The following IGFL2 variants were observed in gnomAD, a reference collection of about 807,000 sequenced individuals.
The protein encoded by IGFL2 is IGF like family member 2.
In IGFL2, 7 loss-of-function variants were observed where a neutral mutation model predicts 13.9. That is an observed-to-expected ratio of 0.51 (90% CI 0.29 to 0.95). The LOEUF (loss-of-function observed/expected upper bound fraction) is 0.95. IGFL2 is among the 40% of genes least tolerant of loss of function. The probability of loss-of-function intolerance (pLI) is 0.08; values close to 1 mark genes in which losing one functional copy is unlikely to be tolerated. For missense variants in IGFL2, 138 were observed against 147.8 expected, an observed-to-expected ratio of 0.93 and a Z score of 0.34; for synonymous variants, 55 against 55.8, an observed-to-expected ratio of 0.99 and a Z score of 0.07.
chr19:46,181,508 A>C, the IGFL2 span, among the ~76,000 whole-genome samples: 2 of 152,244 alleles, frequency 1.3e-5, no homozygotes, highest in African/African-American at 4.8e-5. Flanking sequence ...TCTGTAGATC[A>C]CATCACTATT....
chr19:46,132,060 G>A, the IGFL2 span, among the ~76,000 whole-genome samples: 1 of 152,280 alleles, frequency 6.6e-6, no homozygotes, highest in South Asian at 2.1e-4. Flanking sequence ...GAATATTCTT[G>A]GCCAACAGGA....
chr19:46,105,923 G>A, the IGFL2 span, among the ~76,000 whole-genome samples: 3 of 152,144 alleles, frequency 2.0e-5, no homozygotes, highest in Non-Finnish European at 2.9e-5. Context: ...GATGAGTTAG[G>A]GAGAGCAGCT....
intron 1 of IGFL2, among the ~76,000 whole-genome samples, chr19:46,149,893 A>C (rs78279869): frequency 1.6e-4 from 25 of 152,212 alleles, no homozygotes; most frequent in African/African-American, 4.6e-4. Context: ...GGGTGTACAC[A>C]TAGGAGTGGA....
chr19:46,120,475 T>C, the IGFL2 span: 1 of 1,414,236 alleles, frequency 7.1e-7, no homozygotes, highest in Non-Finnish European at 9.6e-7. Context: ...CTACACCAGA[T>C]GTGTAGATAT....
chr19:46,199,286 G>A, the IGFL2 span, among the ~76,000 whole-genome samples: 604 of 152,326 alleles, frequency 4.0e-3, 3 homozygotes, highest in African/African-American at 0.012. Flanking sequence ...TCAGGATCTT[G>A]CCCTTACTTG....
At chr19:46,136,192 C>T in the IGFL2 span, among the ~76,000 whole-genome samples, 1 of 151,996 alleles carries the variant, frequency 6.6e-6, no homozygotes, top group African/African-American at 2.4e-5. Context: ...TTCCAGGTTG[C>T]TTGCCCTCTC....
At chr19:46,172,302 G>A in the IGFL2 span, among the ~76,000 whole-genome samples, 1 of 152,200 alleles carries the variant, frequency 6.6e-6, no homozygotes, top group Non-Finnish European at 1.5e-5. Flanking sequence ...AAGGCATTCT[G>A]TGGGATGCCT....
chr19:46,147,495 T>C (rs540222790), upstream of IGFL2, among the ~76,000 whole-genome samples: 127 of 152,324 alleles, frequency 8.3e-4, 2 homozygotes, highest in Middle Eastern at 0.017. Context: ...TGAAAAGCCC[T>C]CGAGCTGGCT....
At chr19:46,117,198 A>G in the IGFL2 span, among the ~76,000 whole-genome samples, 2 of 152,156 alleles carry the variant, frequency 1.3e-5, no homozygotes, top group East Asian at 3.8e-4. Context: ...CTAGAGAATA[A>G]AGGTTAATTG....
At chr19:46,190,319 G>T in the IGFL2 span, 1 of 152,214 alleles carries the variant, frequency 6.6e-6, no homozygotes, top group African/African-American at 2.4e-5. Flanking sequence ...GCTTTTCTGG[G>T]ATGTCCTCAG....
chr19:46,184,599 T>C, the IGFL2 span, among the ~76,000 whole-genome samples: 1 of 152,196 alleles, frequency 6.6e-6, no homozygotes. Context: ...CCTTTTTTTA[T>C]GGCTACATAG....
downstream of IGFL2, among the ~76,000 whole-genome samples, chr19:46,162,300 A>G (rs889810284): frequency 3.3e-5 from 5 of 152,020 alleles, no homozygotes; most frequent in African/African-American, 4.8e-5. Flanking sequence ...GAATCTTGCA[A>G]GAGTTCTCTG....
the IGFL2 span, among the ~76,000 whole-genome samples, chr19:46,127,787 C>G: frequency 3.3e-5 from 5 of 151,950 alleles, no homozygotes; most frequent in East Asian, 9.6e-4. Context: ...GTTAAAAAAT[C>G]TACTTTTAAT....
the IGFL2 span, among the ~76,000 whole-genome samples, chr19:46,086,718 T>C: frequency 6.6e-6 from 1 of 152,264 alleles, no homozygotes; most frequent in Non-Finnish European, 1.5e-5. Context: ...TGTTCTTACG[T>C]TGATATCTGC....
chr19:46,095,511 G>A, the IGFL2 span, among the ~76,000 whole-genome samples: 1 of 152,098 alleles, frequency 6.6e-6, no homozygotes, highest in African/African-American at 2.4e-5. Flanking sequence ...CTTTTGCTGT[G>A]CAGAAACTCT....
At chr19:46,207,261 A>T in the IGFL2 span, 1 of 152,142 alleles carries the variant, frequency 6.6e-6, no homozygotes, top group South Asian at 2.1e-4. Context: ...TCTCCTCGCC[A>T]TTGCCACTTT....
At chr19:46,116,570 T>C in the IGFL2 span, among the ~76,000 whole-genome samples, 2 of 152,206 alleles carry the variant, frequency 1.3e-5, no homozygotes, top group Admixed American at 1.3e-4. Context: ...ACAGATGAGG[T>C]TTCACTCTGT....
chr19:46,156,717 C>T (rs562464998), intron 1 of IGFL2, among the ~76,000 whole-genome samples: 31 of 151,826 alleles, frequency 2.0e-4, no homozygotes, highest in African/African-American at 7.5e-4. Flanking sequence ...TAAGCTCCCA[C>T]ATCAAGAAGC....
the IGFL2 span, among the ~76,000 whole-genome samples, chr19:46,188,822 G>T: frequency 6.6e-6 from 1 of 152,186 alleles, no homozygotes; most frequent in Non-Finnish European, 1.5e-5. Flanking sequence ...ATGGCCAGAG[G>T]CACACCTTTA....
Sources: gnomAD v4.1 joint callset for allele counts (sites outside exome capture counted in the v4.1 genomes callset) on GRCh38, gnomAD v4.1.1 for gene constraint, MANE v1.5 for transcripts, NCBI Gene and HGNC (gene_info 2026-07-23, HGNC 2026-07-21) for gene names.